The following TMEM178B variants were observed in gnomAD, a reference collection of about 807,000 sequenced individuals.
The protein encoded by TMEM178B is transmembrane protein 178B.
TMEM178B carries 5 observed loss-of-function variants against 31.0 expected under a neutral mutation model. The observed-to-expected ratio is 0.16, with a 90% confidence interval of 0.08 to 0.34. The LOEUF (loss-of-function observed/expected upper bound fraction) is 0.34. TMEM178B is among the 10% of genes least tolerant of loss of function. The pLI is 1.00. For missense variants in TMEM178B, 275 were observed against 400.3 expected (o/e 0.69, Z 2.67); for synonymous variants, 164 against 164.0 (o/e 1.00, Z 0.00).
chr7:141,075,566 T>C (rs1794588415), intron 1 of TMEM178B, among the ~76,000 whole-genome samples: 1 of 152,226 alleles, frequency 6.6e-6, no homozygotes, highest in African/African-American at 2.4e-5. Flanking sequence ...ATTTATACTT[T>C]GGGAACCATC....
At chr7:141,383,158 T>G (rs1436413702) in intron 2 of TMEM178B, among the ~76,000 whole-genome samples, 1 of 147,862 alleles carries the variant, frequency 6.8e-6, no homozygotes, top group East Asian at 1.9e-4. Flanking sequence ...CTTTCTTTCT[T>G]TCTTTCTTTT....
Position 141,294,523 on chromosome 7 carries a change from T to A in TMEM178B, c.496+81819T>A, listed in dbSNP as rs150156763. On this transcript the variant is annotated intron_variant, in intron 2 of 3. Transcript: ENST00000565468. ...GACAAAGTTAGGCTCAGGGTGAGCATCCTTTCTCAGCCGTTACAGCTTTCA... is the reference window on the plus strand; with the variant it reads ...GACAAAGTTAGGCTCAGGGTGAGCAACCTTTCTCAGCCGTTACAGCTTTCA... 2.5e-3 allele frequency among the ~76,000 whole-genome samples: 381 copies of A among 152,282 alleles called. 2 individuals carry two copies. Among genetic ancestry groups the A allele is most frequent in the African/African-American group, 8.8e-3 (367 of 41,558 alleles).
chr7:141,445,668 T>A (rs964698616), intron 3 of TMEM178B, among the ~76,000 whole-genome samples: 7 of 152,222 alleles, frequency 4.6e-5, no homozygotes, highest in Non-Finnish European at 7.3e-5. Flanking sequence ...AGTAAGCTAA[T>A]GACTTACTAT....
chr7:141,286,701 G>A (rs758088632), intron 2 of TMEM178B, among the ~76,000 whole-genome samples: 8 of 152,190 alleles, frequency 5.3e-5, no homozygotes, highest in Non-Finnish European at 8.8e-5. Flanking sequence ...CTGCATAGAG[G>A]ATGTGTGACC....
At chr7:141,386,741 T>G (rs1177473211) in intron 2 of TMEM178B, among the ~76,000 whole-genome samples, 4 of 152,178 alleles carry the variant, frequency 2.6e-5, no homozygotes, top group African/African-American at 9.7e-5. Flanking sequence ...GGCCTGTCCT[T>G]TGTTTGCACG....
intron 2 of TMEM178B, among the ~76,000 whole-genome samples, chr7:141,373,982 A>G (rs755572083): frequency 5.9e-5 from 9 of 152,236 alleles, no homozygotes; most frequent in Non-Finnish European, 8.8e-5. Flanking sequence ...TTAACAGACA[A>G]GGAAATGGCC....
At chr7:141,108,583 G>T (rs1334438188) in intron 1 of TMEM178B, among the ~76,000 whole-genome samples, 1 of 152,148 alleles carries the variant, frequency 6.6e-6, no homozygotes, top group Non-Finnish European at 1.5e-5. Context: ...TGGGGGAGCA[G>T]GTGATGGAGG....
intron 1 of TMEM178B, among the ~76,000 whole-genome samples, chr7:141,153,012 A>G (rs10245958): frequency 0.053 from 8,080 of 152,254 alleles, 739 homozygotes; most frequent in African/African-American, 0.18. Context: ...CTTAAGTCAC[A>G]TGGCTGATAA....
intron 1 of TMEM178B, among the ~76,000 whole-genome samples, chr7:141,153,163 G>C (rs1796005788): frequency 6.6e-6 from 1 of 152,154 alleles, no homozygotes; most frequent in Non-Finnish European, 1.5e-5. Flanking sequence ...GATAGCAACT[G>C]TTAATATTTT....
At chr7:141,191,902 T>C (rs1796702774) in intron 1 of TMEM178B, among the ~76,000 whole-genome samples, 1 of 152,226 alleles carries the variant, frequency 6.6e-6, no homozygotes, top group African/African-American at 2.4e-5. Context: ...GCTTTCTTTC[T>C]TTTGGGCTAT....
At chr7:141,393,850 G>A (rs1184812347) in intron 2 of TMEM178B, among the ~76,000 whole-genome samples, 1 of 152,140 alleles carries the variant, frequency 6.6e-6, no homozygotes, top group African/African-American at 2.4e-5. Flanking sequence ...TCCATTGTGG[G>A]GAATTCATTC....
the TMEM178B span, among the ~76,000 whole-genome samples, chr7:141,485,993 A>G: frequency 1.5e-4 from 23 of 152,242 alleles, no homozygotes; most frequent in Admixed American, 3.3e-4. Context: ...TATGGAAGCA[A>G]CCTACATGTC....
intron 2 of TMEM178B, chr7:141,352,759 T>G (rs1799755802): frequency 6.5e-6 from 1 of 153,390 alleles, no homozygotes; most frequent in East Asian, 1.9e-4. Context: ...AGGAGGCTGC[T>G]GCTGCCTGAG....
chr7:141,279,960 A>G (rs188863739), intron 2 of TMEM178B, among the ~76,000 whole-genome samples: 1 of 152,392 alleles, frequency 6.6e-6, no homozygotes, highest in Admixed American at 6.5e-5. Flanking sequence ...TGCAAGTGAC[A>G]GAAACCCAGC....
At chr7:141,192,440 A>G (rs999941762) in intron 1 of TMEM178B, among the ~76,000 whole-genome samples, 9 of 151,532 alleles carry the variant, frequency 5.9e-5, no homozygotes, top group Non-Finnish European at 1.2e-4. Context: ...GGGAGCTGCT[A>G]CAACTTGGGT....
At chr7:141,089,375 C>T (rs1046250862) in intron 1 of TMEM178B, among the ~76,000 whole-genome samples, 4 of 151,926 alleles carry the variant, frequency 2.6e-5, no homozygotes, top group Non-Finnish European at 4.4e-5. Flanking sequence ...GCAAAGGCTC[C>T]CAAGGGATAA....
At chr7:141,458,658 T>A (rs1425656990) in intron 3 of TMEM178B, among the ~76,000 whole-genome samples, 1 of 152,214 alleles carries the variant, frequency 6.6e-6, no homozygotes. Context: ...TTCTTCAATC[T>A]CACTTAAAGC....
At chr7:141,207,326 T>C (rs1796982597) in intron 1 of TMEM178B, among the ~76,000 whole-genome samples, 1 of 152,204 alleles carries the variant, frequency 6.6e-6, no homozygotes. Context: ...AGGAGTAAGA[T>C]TGCTGGATCA....
chr7:141,193,332 C>T (rs11766371), intron 1 of TMEM178B, among the ~76,000 whole-genome samples: 102,245 of 152,132 alleles, frequency 0.67, 34,764 homozygotes, highest in Middle Eastern at 0.72. Flanking sequence ...CTCTCTGCTC[C>T]TGTGTGCTGG....
Sources: allele counts gnomAD v4.1 joint callset (sites outside exome capture counted in the v4.1 genomes callset), GRCh38; gene constraint gnomAD v4.1.1; transcripts MANE v1.5; gene names NCBI Gene and HGNC (gene_info 2026-07-23, HGNC 2026-07-21).